BRSK2: variants seen among roughly 807,000 people sequenced by gnomAD.
BRSK2 encodes the protein serine/threonine-protein kinase BRSK2.
A neutral mutation model predicts 83.3 loss-of-function variants in BRSK2; 19 were observed. The observed-to-expected ratio is 0.23, with a 90% CI of 0.16 to 0.33. BRSK2 has a LOEUF of 0.33. Among genes scored for constraint, BRSK2 ranks in the 10% least tolerant of loss-of-function variants. The pLI is 1.00. For synonymous variants in BRSK2, 519 were observed against 435.4 expected, an observed-to-expected ratio of 1.19 and a Z score of -2.39; for missense variants, 798 against 1,042.3, an observed-to-expected ratio of 0.77 and a Z score of 3.23.
chr11:1,443,493 C>A lies in BRSK2; in HGVS notation c.638C>A (p.Ala213Asp). 1 of 1,595,648 alleles carries A rather than the reference C, an allele frequency of 6.3e-7. No individual in the cohort carries two copies. The highest frequency in any genetic ancestry group is 1.1e-5 in the South Asian group (1 of 88,850). Residue 213 changes from alanine (A) to aspartate (D), a missense_variant, in exon 8 of 20, where the codon GCT becomes GAT. Ala to Asp is a moderately radical substitution (Grantham distance 126). Around this residue, in one of 6 missense-constraint regions of BRSK2, gnomAD observed 109 missense variants for 259.2 expected, o/e 0.42. Transcript: ENST00000528841. ...CCCACACCCGGCCGCCCGCAGGGGG[C>A]TCTGCCCTTCGACGATGACAACTTG... ...GVILFALLVGALPFDDDNLRQ... is the reference protein window; with the variant it reads ...GVILFALLVGDLPFDDDNLRQ...
rs33996815 is a variant in BRSK2, at chr11:1,456,412, G to T, written c.1733G>T (p.Gly578Val). 3.1e-6 allele frequency: 5 copies of T among 1,603,096 alleles called. No individual in the cohort carries two copies. The highest frequency in any genetic ancestry group is 1.7e-5 in the Admixed American group (1 of 58,296). Residue 578 changes from glycine (G) to valine (V), a missense_variant, in exon 17 of 20, where the codon GGG (glycine) becomes GTG (valine). This residue lies in a region of BRSK2 where 455 missense variants were observed against 455.2 expected (regional missense o/e 1.00). Coordinates refer to ENST00000528841, the MANE Select transcript of BRSK2 (RefSeq NM_001256627.2). Reference sequence around the variant, plus strand: ...TTCCGGGCCGAGTACAAGGCCACGGGGGGGCCAGCCGTGTTCCAGAAGCCG... The same window carrying T: ...TTCCGGGCCGAGTACAAGGCCACGGTGGGGCCAGCCGTGTTCCAGAAGCCG... ...TSFRAEYKATGGPAVFQKPVK... is the reference protein window; with the variant it reads ...TSFRAEYKATVGPAVFQKPVK...
intron 1 of BRSK2, among the ~76,000 whole-genome samples, chr11:1,400,922 G>A (rs750173092): frequency 9.8e-5 from 15 of 152,368 alleles, no homozygotes; most frequent in South Asian, 6.2e-4. Flanking sequence ...GGCTGCCGGC[G>A]GCGGGGCCGT....
Position 1,438,412 on chromosome 11 carries a change from A to G in BRSK2, c.272+21A>G. 1 of 1,610,260 alleles carries G rather than the reference A, an allele frequency of 6.2e-7. No homozygotes were observed. Among genetic ancestry groups the G allele is most frequent in the South Asian group, 1.1e-5 (1 of 90,978 alleles). On this transcript the variant is annotated intron_variant, in intron 3 of 19. Transcript: ENST00000528841. The surrounding 1 kb of genome is among the most constrained non-coding windows in gnomAD (Gnocchi z 6.4). ...TATTTGTAGGTATTGCTGGGTCTGA[A>G]GAGCTGGGGTGGCGGAGGTGGCAGC...
At chr11:1,447,345 C>T (rs910296430) in intron 12 of BRSK2, among the ~76,000 whole-genome samples, 10 of 152,222 alleles carry the variant, frequency 6.6e-5, no homozygotes, top group Admixed American at 2.0e-4. Flanking sequence ...CTGCCTGGCC[C>T]CTCCGGTCAG....
chr11:1,439,783 G>A (rs1480115557), intron 3 of BRSK2, among the ~76,000 whole-genome samples: 2 of 150,638 alleles, frequency 1.3e-5, no homozygotes, highest in African/African-American at 4.9e-5. Context: ...TGCCCTGAGG[G>A]CTTCACACCT....
intron 1 of BRSK2, among the ~76,000 whole-genome samples, chr11:1,398,667 G>A (rs1462163968): frequency 2.0e-5 from 3 of 152,220 alleles, no homozygotes; most frequent in Non-Finnish European, 2.9e-5. Context: ...CACAAGCTCC[G>A]AGGTGTCCAG....
At chr11:1,439,595 C>T (rs1850871920) in intron 3 of BRSK2, among the ~76,000 whole-genome samples, 1 of 152,184 alleles carries the variant, frequency 6.6e-6, no homozygotes, top group Non-Finnish European at 1.5e-5. Flanking sequence ...GGAAAGAGCC[C>T]AGGAGGTGGG....
intron 14 of BRSK2, 131 bp downstream of exon 14, chr11:1,450,925 C>T (rs1264870251): frequency 1.5e-5 from 13 of 873,730 alleles, no homozygotes; most frequent in East Asian, 8.5e-5. Context: ...GGCCTGCCCA[C>T]GTCTCACTGT....
intron 12 of BRSK2, among the ~76,000 whole-genome samples, chr11:1,446,169 C>CCTGGGCTGGGCTGGG (rs376046232): frequency 1.7e-5 from 2 of 117,900 alleles, no homozygotes; most frequent in Non-Finnish European, 3.4e-5. Flanking sequence ...GCTGGGCTGG[C>CCTGGGCTGGGCTGGG]CTGGGCTGGG....
intron 1 of BRSK2, among the ~76,000 whole-genome samples, chr11:1,395,228 G>A (rs949023251): frequency 1.2e-4 from 19 of 152,146 alleles, no homozygotes; most frequent in African/African-American, 7.2e-5. Flanking sequence ...TGCCCTGCAC[G>A]GGGTTTCTAC....
intron 1 of BRSK2, among the ~76,000 whole-genome samples, chr11:1,424,025 A>T (rs977118997): frequency 1.3e-5 from 2 of 151,908 alleles, no homozygotes; most frequent in African/African-American, 2.4e-5. Flanking sequence ...TTATATTGAG[A>T]TCCATAACTT....
intron 1 of BRSK2, among the ~76,000 whole-genome samples, chr11:1,408,453 C>T (rs1327876553): frequency 6.6e-6 from 1 of 152,194 alleles, no homozygotes; most frequent in Admixed American, 6.5e-5. Context: ...GGTCTTCACA[C>T]AGCGGCCACC....
chr11:1,456,729 G>A (rs1044946520), intron 18 of BRSK2, 42 bp downstream of exon 18: 1 of 1,549,572 alleles, frequency 6.5e-7, no homozygotes, highest in Non-Finnish European at 8.7e-7. Flanking sequence ...GCCTGCGAGT[G>A]GGGCGTGGCC....
At chr11:1,460,375 A>C (rs1847278435) in intron 19 of BRSK2, 125 bp from the exon 20 acceptor site, 48 of 1,040,712 alleles carry the variant, frequency 4.6e-5, no homozygotes, top group South Asian at 1.7e-4. Context: ...TCCCTCGTCG[A>C]GGCCTCTTCG....
intron 8 of BRSK2, 151 bp downstream of exon 8, chr11:1,443,786 C>G (rs984449727): frequency 9.0e-6 from 10 of 1,114,362 alleles, no homozygotes; most frequent in African/African-American, 1.6e-5. Context: ...GCACAGGTGT[C>G]GGCTTGTGTT....
chr11:1,439,184 G>C (rs902054381), intron 3 of BRSK2, among the ~76,000 whole-genome samples: 31 of 152,316 alleles, frequency 2.0e-4, no homozygotes, highest in African/African-American at 7.2e-4. Context: ...GCTGGGCTGG[G>C]GGCTGCCCTC....
At chr11:1,418,045 T>G (rs12798619) in intron 1 of BRSK2, among the ~76,000 whole-genome samples, 21 of 131,596 alleles carry the variant, frequency 1.6e-4, no homozygotes, top group Middle Eastern at 5.0e-3. Context: ...TTGAGAGTGG[T>G]TCTCCTGTGT....
intron 1 of BRSK2, chr11:1,411,764 C>T (rs1847530326): frequency 7.5e-7 from 1 of 1,335,272 alleles, no homozygotes; most frequent in African/African-American, 1.5e-5. Flanking sequence ...CTGGGAGGGC[C>T]AGCTGTGCGG....
chr11:1,454,707 C>A lies in BRSK2; in HGVS notation c.1668+99C>A. On this transcript the variant is annotated intron_variant, in intron 16 of 19. Coordinates refer to ENST00000528841, the MANE Select transcript of BRSK2 (RefSeq NM_001256627.2). The surrounding 1 kb of genome is among the most constrained non-coding windows in gnomAD (Gnocchi z 5.2). ...TCCTCACGTAGACAGGACATGTCCACGCGCACAGCACGGACGTCCGCTCAC... is the reference window on the plus strand; with the variant it reads ...TCCTCACGTAGACAGGACATGTCCAAGCGCACAGCACGGACGTCCGCTCAC... 6.8e-7 allele frequency: 1 copy of A among 1,460,116 alleles called. No individual in the cohort carries two copies. 90.4% of individuals were successfully genotyped at this position (1,460,116 alleles called of 1,614,324 possible). A position where few individuals can be genotyped will look rare whatever the true frequency, so the allele number is the denominator to read the frequency against.
Sources: gnomAD v4.1 joint callset for allele counts (sites outside exome capture counted in the v4.1 genomes callset) on GRCh38, gnomAD v4.1.1 for gene constraint, gnomAD v4.1.1 regional missense constraint, Gnocchi (gnomAD v3.1) non-coding constraint, MANE v1.5 for transcripts, NCBI Gene and HGNC (gene_info 2026-07-23, HGNC 2026-07-21) for gene names.